KIAA1217: variants seen among roughly 807,000 people sequenced by gnomAD.
KIAA1217 encodes the protein sickle tail protein homolog.
In KIAA1217, 88 loss-of-function variants were observed where a neutral mutation model predicts 163.9. The ratio of observed to expected loss-of-function variants is 0.54; its 90% CI spans 0.45 to 0.64. KIAA1217 has a LOEUF of 0.64. Ranked by LOEUF, KIAA1217 falls within the 30% of genes least tolerant of loss-of-function variation. KIAA1217 has a pLI of 0.00. For missense variants in KIAA1217, 2,372 were observed against 2,475.0 expected, an observed-to-expected ratio of 0.96 and a Z score of 0.88; for synonymous variants, 903 against 923.1, an observed-to-expected ratio of 0.98 and a Z score of 0.39.
At chr10:24,070,850 T>C (rs2061160312) in intron 2 of KIAA1217, among the ~76,000 whole-genome samples, 1 of 152,156 alleles carries the variant, frequency 6.6e-6, no homozygotes. Flanking sequence ...GAATTCTAGA[T>C]GATCATTGTT....
At chr10:24,520,855 AAAAAAT>A (rs2134561094) in intron 11 of KIAA1217, among the ~76,000 whole-genome samples, 1 of 147,170 alleles carries the variant, frequency 6.8e-6, no homozygotes, top group East Asian at 2.0e-4. Context: ...CCCTGTCTCC[AAAAAAT>A]AAAAATAAAA....
intron 1 of KIAA1217, among the ~76,000 whole-genome samples, chr10:23,808,015 GC>G (rs1836824720): frequency 6.6e-6 from 1 of 152,198 alleles, no homozygotes; most frequent in Non-Finnish European, 1.5e-5. Flanking sequence ...TGACAAACTT[GC>G]CATATCTCTG....
intron 1 of KIAA1217, among the ~76,000 whole-genome samples, chr10:23,698,526 A>G (rs1836200256): frequency 6.6e-6 from 1 of 152,224 alleles, no homozygotes; most frequent in Non-Finnish European, 1.5e-5. Context: ...TCTAGGAGGC[A>G]GAAGTTTATT....
chr10:24,309,972 T>A (rs1298801193), intron 2 of KIAA1217, among the ~76,000 whole-genome samples: 1 of 152,220 alleles, frequency 6.6e-6, no homozygotes, highest in Non-Finnish European at 1.5e-5. Flanking sequence ...GTCTTTCTTT[T>A]TAAAATACTT....
At chr10:23,794,182 G>A (rs1303637992) in intron 1 of KIAA1217, among the ~76,000 whole-genome samples, 1 of 152,166 alleles carries the variant, frequency 6.6e-6, no homozygotes, top group Non-Finnish European at 1.5e-5. Context: ...GGGTTGCTTT[G>A]TTAAGTGGAT....
intron 2 of KIAA1217, among the ~76,000 whole-genome samples, chr10:24,227,534 T>C (rs1441069562): frequency 6.9e-6 from 1 of 145,324 alleles, no homozygotes; most frequent in Non-Finnish European, 1.5e-5. Context: ...TATGAGCACT[T>C]TTTTTTTCTT....
At chr10:24,093,920 A>C (rs12781769) in intron 2 of KIAA1217, among the ~76,000 whole-genome samples, 2 of 149,798 alleles carry the variant, frequency 1.3e-5, no homozygotes, top group Non-Finnish European at 2.9e-5. Flanking sequence ...TTGTTCTTGC[A>C]ATAGTTTACT....
At chr10:24,020,292 G>A (rs1405627583) in intron 2 of KIAA1217, among the ~76,000 whole-genome samples, 4 of 152,078 alleles carry the variant, frequency 2.6e-5, no homozygotes, top group African/African-American at 9.7e-5. Flanking sequence ...GTGAAAATCA[G>A]CAACTTAATT....
intron 1 of KIAA1217, among the ~76,000 whole-genome samples, chr10:23,791,230 A>T (rs995373812): frequency 2.0e-5 from 3 of 152,198 alleles, no homozygotes; most frequent in African/African-American, 4.8e-5. Context: ...ATTCTGTTTT[A>T]AAAAACTTTG....
intron 5 of KIAA1217, among the ~76,000 whole-genome samples, chr10:24,439,478 C>A (rs2060315175): frequency 6.6e-6 from 1 of 152,156 alleles, no homozygotes; most frequent in African/African-American, 2.4e-5. Context: ...CCTGATAGTA[C>A]ATATTAGTTT....
rs34396312 is a variant in KIAA1217 at position 24,360,040 on chromosome 10, C to CTTTT, written c.355-20808_355-20805dup. ...ACTGTGTATCTTTAGGATATAATTA[C>CTTTT]TTTTTTTTTTTTTTTTTTTTTTTTG... On this transcript the variant is annotated intron_variant, in intron 2 of 20. Coordinates refer to ENST00000376454, the MANE Select transcript of KIAA1217 (RefSeq NM_019590.5). Among the ~76,000 whole-genome samples, 605 of 94,052 alleles carry CTTTT rather than the reference C, an allele frequency of 6.4e-3. 5 individuals carry two copies. The highest frequency in any genetic ancestry group is 8.8e-3 in the Non-Finnish European group (461 of 52,094). The allele number at this position is 94,052 out of a possible 152,430, so 61.7% of individuals were successfully genotyped here.
chr10:23,775,787 A>T (rs1834985142), intron 1 of KIAA1217, among the ~76,000 whole-genome samples: 1 of 152,106 alleles, frequency 6.6e-6, no homozygotes, highest in Non-Finnish European at 1.5e-5. Flanking sequence ...AAATGGGACA[A>T]ATCTGGATTT....
At chr10:24,396,636 G>T (rs2055794329) in intron 3 of KIAA1217, among the ~76,000 whole-genome samples, 1 of 152,108 alleles carries the variant, frequency 6.6e-6, no homozygotes, top group South Asian at 2.1e-4. Flanking sequence ...GAAGATGTAA[G>T]CCATGCAGAT....
At position 24,287,206 on chromosome 10, in the gene KIAA1217, C is replaced by T. The variant is rs571643389; in HGVS notation, c.354+67297C>T. On this transcript the variant is annotated intron_variant, in intron 2 of 20. Coordinates refer to ENST00000376454, the MANE Select transcript of KIAA1217 (RefSeq NM_019590.5). ...ACTGGGATTACAGGCATGCGCCACA[C>T]GCCGAGCTAATTTTTTGTATTTCTA... 4.6e-5 allele frequency among the ~76,000 whole-genome samples: 7 copies of T among 152,202 alleles called. No individual in the cohort carries two copies. The East Asian group carries it at 7.8e-4, about 17-fold the overall frequency.
At chr10:23,982,529 T>TTCTC (rs59075123) in intron 1 of KIAA1217, among the ~76,000 whole-genome samples, 11,174 of 73,398 alleles carry the variant, frequency 0.15, 1,968 homozygotes, top group East Asian at 0.27. Flanking sequence ...TGTTTTTTGT[T>TTCTC]TCTCTCTCTC....
rs183058173 is a variant in KIAA1217, at chr10:24,545,348, C to T, written c.5334+245C>T. 1,671 of 1,383,884 alleles carry T rather than the reference C, an allele frequency of 1.2e-3. 13 individuals are homozygous for T. The African/African-American group carries it at 0.021, about 17-fold the overall frequency. 85.7% of individuals were successfully genotyped at this position (1,383,884 alleles called of 1,614,324 possible). On this transcript the variant is annotated intron_variant, in intron 20 of 20. Transcript: ENST00000376454. Reference sequence around the variant, plus strand: ...ACTCCAAATTTTAACTGTTAACACACGGTGCCAGACCAGGTGGCTTTTCTT... The same window carrying T: ...ACTCCAAATTTTAACTGTTAACACATGGTGCCAGACCAGGTGGCTTTTCTT...
At chr10:24,096,862 G>T (rs904305812) in intron 2 of KIAA1217, among the ~76,000 whole-genome samples, 1 of 152,188 alleles carries the variant, frequency 6.6e-6, no homozygotes, top group African/African-American at 2.4e-5. Context: ...TAAAAGGCAA[G>T]AAAGAAGTGG....
At chr10:24,444,143 C>T (rs564643363) in intron 5 of KIAA1217, among the ~76,000 whole-genome samples, 17 of 152,018 alleles carry the variant, frequency 1.1e-4, no homozygotes, top group Admixed American at 7.2e-4. Context: ...CTTGAGTAGC[C>T]GGGACTACAG....
At chr10:23,809,422 A>G (rs1836886119) in intron 1 of KIAA1217, among the ~76,000 whole-genome samples, 1 of 152,024 alleles carries the variant, frequency 6.6e-6, no homozygotes, top group African/African-American at 2.4e-5. Flanking sequence ...AGTGGAATGT[A>G]TAATTTGGGA....
Sources: gnomAD v4.1 joint callset for allele counts (sites outside exome capture counted in the v4.1 genomes callset) on GRCh38, gnomAD v4.1.1 for gene constraint, MANE v1.5 for transcripts, NCBI Gene and HGNC (gene_info 2026-07-23, HGNC 2026-07-21) for gene names.